The following KLHDC4 variants were observed in gnomAD, a reference collection of about 807,000 sequenced individuals.
KLHDC4 encodes the protein kelch domain-containing protein 4.
KLHDC4 carries 90 observed loss-of-function variants against 62.4 expected under a neutral mutation model. The ratio of observed to expected loss-of-function variants is 1.44; its 90% confidence interval spans 1.22 to 1.72. The LOEUF is 1.72. Ranked by LOEUF, KLHDC4 falls within the 40% of genes most tolerant of loss-of-function variation. The pLI, the probability that KLHDC4 is intolerant of heterozygous loss-of-function variation, is 0.00. For missense variants in KLHDC4, 1,025 were observed against 699.7 expected (o/e 1.47, Z -5.25); for synonymous variants, 386 against 284.4 (o/e 1.36, Z -3.59).
intron 6 of KLHDC4, among the ~76,000 whole-genome samples, chr16:87,728,348 G>T (rs1372340544): frequency 6.6e-6 from 1 of 152,154 alleles, no homozygotes; most frequent in Admixed American, 6.5e-5. Context: ...GTTTTTTTCA[G>T]ATTTCACGTC....
intron 7 of KLHDC4, among the ~76,000 whole-genome samples, chr16:87,719,529 C>T (rs140539268): frequency 0.017 from 2,534 of 152,244 alleles, 35 homozygotes; most frequent in Non-Finnish European, 0.025. Context: ...CACAAACACA[C>T]GGAAGGCCGC....
chr16:87,742,379 C>A (rs184993279), intron 5 of KLHDC4, among the ~76,000 whole-genome samples: 1 of 152,326 alleles, frequency 6.6e-6, no homozygotes, highest in East Asian at 1.9e-4. Flanking sequence ...TAGTAACTTA[C>A]AAAAGCAAAA....
chr16:87,753,673 C>T (rs756140288), intron 4 of KLHDC4, among the ~76,000 whole-genome samples: 15 of 152,058 alleles, frequency 9.9e-5, no homozygotes, highest in Non-Finnish European at 1.8e-4. Context: ...TGGTGGCACA[C>T]GCCTATAATC....
At chr16:87,718,988 G>C (rs1158448918) in intron 7 of KLHDC4, among the ~76,000 whole-genome samples, 1 of 150,814 alleles carries the variant, frequency 6.6e-6, no homozygotes, top group Non-Finnish European at 1.5e-5. Context: ...CCTCCGCCCG[G>C]CAGCCGCCCC....
chr16:87,708,756 C>G (rs2142905692), intron 10 of KLHDC4, among the ~76,000 whole-genome samples: 1 of 152,344 alleles, frequency 6.6e-6, no homozygotes, highest in East Asian at 1.9e-4. Context: ...ACGGTGTTCT[C>G]ACAAAACAGC....
downstream of KLHDC4, among the ~76,000 whole-genome samples, chr16:87,706,918 C>T (rs146515077): frequency 6.6e-6 from 1 of 152,234 alleles, no homozygotes; most frequent in Non-Finnish European, 1.5e-5. Context: ...GCTTCTAGCC[C>T]TCTCCCAGCG....
intron 10 of KLHDC4, 90 bp from the exon 11 acceptor site, chr16:87,708,556 G>A (rs1380768993): frequency 1.3e-5 from 11 of 839,894 alleles, no homozygotes; most frequent in African/African-American, 1.7e-5. Context: ...GTCCTGGGGG[G>A]ATTCCATTTT....
exon 1 of KLHDC4, chr16:87,701,859 C>G (rs779424575): frequency 2.2e-6 from 1 of 456,638 alleles, no homozygotes; most frequent in Non-Finnish European, 4.4e-6. Flanking sequence ...CCATCCACAC[C>G]GAGGAAGCCT....
intron 8 of KLHDC4, among the ~76,000 whole-genome samples, chr16:87,712,987 T>C (rs1233553299): frequency 2.0e-5 from 3 of 152,248 alleles, no homozygotes; most frequent in Non-Finnish European, 2.9e-5. Context: ...CCTCCTGGCA[T>C]CACTCTCTTG....
intron 4 of KLHDC4, among the ~76,000 whole-genome samples, 184 bp downstream of exon 4, chr16:87,755,010 T>C (rs1306840930): frequency 6.6e-6 from 1 of 151,990 alleles, no homozygotes; most frequent in East Asian, 1.9e-4. Flanking sequence ...GAGCAGGTGT[T>C]CTCCTCCCCG....
chr16:87,706,599 A>C (rs2034763811), downstream of KLHDC4, among the ~76,000 whole-genome samples: 1 of 152,210 alleles, frequency 6.6e-6, no homozygotes, highest in Admixed American at 6.5e-5. Context: ...TCTGATCAGC[A>C]TTCCCATCAA....
intron 7 of KLHDC4, among the ~76,000 whole-genome samples, chr16:87,725,445 G>A (rs868142719): frequency 2.0e-5 from 3 of 152,190 alleles, no homozygotes; most frequent in Non-Finnish European, 4.4e-5. Context: ...GATTACAGGC[G>A]TGAGCCACCG....
chr16:87,739,761 CGT>C (rs1220186386), intron 5 of KLHDC4: 2 of 152,306 alleles, frequency 1.3e-5, no homozygotes, highest in Admixed American at 6.5e-5. Flanking sequence ...ACAGAGGCCA[CGT>C]GTTTTGATTC....
rs769219137 is a variant in KLHDC4 at position 87,765,805 on chromosome 16, G to C, written c.86C>G (p.Ser29Trp). The C allele has an allele frequency of 6.4e-7, 1 of 1,570,220 alleles. No homozygotes were observed. The highest frequency in any genetic ancestry group is 1.2e-5 in the South Asian group (1 of 85,558). ...AKMEKKVSKR[S>W]RKEEEDLEAL... ...TGACCCGCTCACCTCCTCCTTCCGC[G>C]AGCGCTTAGACACCTTCTTCTCCAT... Residue 29 changes from serine to tryptophan, a missense_variant, in exon 1 of 12, where the codon TCG becomes TGG. Coordinates refer to ENST00000270583, the MANE Select transcript of KLHDC4 (RefSeq NM_017566.4).
downstream of KLHDC4, among the ~76,000 whole-genome samples, chr16:87,703,871 G>A (rs1381271026): frequency 6.6e-6 from 1 of 152,236 alleles, no homozygotes; most frequent in East Asian, 1.9e-4. Flanking sequence ...GCTCTCTCGT[G>A]AAAGAGTAAT....
At chr16:87,758,890 T>A (rs4264398) in intron 2 of KLHDC4, among the ~76,000 whole-genome samples, 44,053 of 152,062 alleles carry the variant, frequency 0.29, 6,842 homozygotes, top group African/African-American at 0.4. Flanking sequence ...AAATGGCAAA[T>A]TTTGGCCAGG....
chr16:87,728,691 G>A (rs986252907), intron 6 of KLHDC4, among the ~76,000 whole-genome samples: 4 of 152,124 alleles, frequency 2.6e-5, no homozygotes, highest in Admixed American at 6.5e-5. Flanking sequence ...TTTTAAGAAT[G>A]AACATAAGGC....
At chr16:87,749,801 C>A (rs2143110801) in intron 4 of KLHDC4, among the ~76,000 whole-genome samples, 1 of 152,224 alleles carries the variant, frequency 6.6e-6, no homozygotes, top group South Asian at 2.1e-4. Context: ...GTCTCAAACT[C>A]CTGGCTTTAG....
At position 87,726,804 on chromosome 16, in the gene KLHDC4, G is replaced by A. The variant is rs1240747421; in HGVS notation, c.720C>T (p.Pro240=). ...PRSGCQMSVT[P]QGGIVVYGGY... ...CCCCATAGACGACGATGCCGCCCTG[G>A]GGAGTGACGGACATCTGGCAGCCTG... is the stretch of plus-strand genomic sequence containing the variant. Residue 240 remains proline (P), a synonymous_variant, in exon 7 of 12, where the codon CCC becomes CCT. Coordinates refer to ENST00000270583, the MANE Select transcript of KLHDC4 (RefSeq NM_017566.4). The A allele has an allele frequency of 1.9e-6, 3 of 1,609,510 alleles. No homozygotes were observed. The highest frequency in any genetic ancestry group is 2.5e-6 in the Non-Finnish European group (3 of 1,178,260).
Sources: allele counts gnomAD v4.1 joint callset (sites outside exome capture counted in the v4.1 genomes callset), GRCh38; gene constraint gnomAD v4.1.1; transcripts MANE v1.5; gene names NCBI Gene and HGNC (gene_info 2026-07-23, HGNC 2026-07-21).